HTR2C: variants seen among roughly 807,000 people sequenced by gnomAD.
HTR2C encodes 5-hydroxytryptamine (serotonin) receptor 2C, G protein-coupled.
In HTR2C, 5 loss-of-function variants were observed where a neutral mutation model predicts 21.0. That is an observed-to-expected ratio of 0.24 (90% CI 0.12 to 0.50). The LOEUF is 0.50. Among genes scored for constraint, HTR2C ranks in the 20% least tolerant of loss-of-function variants. The pLI, the probability that HTR2C is intolerant of heterozygous loss-of-function variation, is 0.98. For synonymous variants in HTR2C, 150 were observed against 145.3 expected (o/e 1.03, Z -0.23); for missense variants, 271 against 371.2 (o/e 0.73, Z 2.22).
At chrX:114,611,119 G>GA (rs1408480256) in intron 1 of HTR2C, among the ~76,000 whole-genome samples, 1 of 110,638 alleles carries the variant, frequency 9.0e-6, no homozygotes, top group African/African-American at 3.3e-5. Flanking sequence ...CCCTAAGGGG[G>GA]AAAAAAAACG....
chrX:114,736,659 A>G (rs2069593561), intron 4 of HTR2C, among the ~76,000 whole-genome samples: 2 of 111,876 alleles, frequency 1.8e-5, no homozygotes, highest in South Asian at 7.4e-4. Flanking sequence ...AAAACAAAGA[A>G]TATATATCTT....
At chrX:114,765,487 G>T in intron 4 of HTR2C, among the ~76,000 whole-genome samples, 1 of 110,812 alleles carries the variant, frequency 9.0e-6, no homozygotes, top group South Asian at 3.9e-4. Flanking sequence ...GGCCACAAAA[G>T]GCTAATATCC....
chrX:114,840,369 A>G (rs1477551985), intron 4 of HTR2C, among the ~76,000 whole-genome samples: 3 of 111,923 alleles, frequency 2.7e-5, no homozygotes, highest in Admixed American at 9.5e-5. Context: ...AAAAAATAAT[A>G]TATGAAATAT....
At chrX:114,722,311 T>G (rs782328288) in intron 2 of HTR2C, among the ~76,000 whole-genome samples, 1 of 111,360 alleles carries the variant, frequency 9.0e-6, no homozygotes. Context: ...ATGATTTGGC[T>G]CTCTGTCTGT....
rs902989944 is a variant in HTR2C, at chrX:114,634,790, T to C, written c.-80+20909T>C. The stretch of plus-strand genomic sequence containing the variant: ...TCACATTACTGCATTCCAGCCTGAG[T>C]GACAGAGTGAGACCCCATCTTAAAA... On this transcript the variant is annotated intron_variant, in intron 2 of 5. Coordinates refer to ENST00000276198, the MANE Select transcript of HTR2C (RefSeq NM_000868.4). 2.7e-5 allele frequency among the ~76,000 whole-genome samples: 3 copies of C among 110,490 alleles called. No homozygotes were observed. The Admixed American group carries it at 2.9e-4, about 11-fold the overall frequency.
intron 4 of HTR2C, among the ~76,000 whole-genome samples, chrX:114,746,590 A>G (rs1457004259): frequency 1.8e-5 from 2 of 111,536 alleles, no homozygotes; most frequent in Non-Finnish European, 1.9e-5. Context: ...TCAGTGGCTC[A>G]GGCCTGTAAT....
chrX:114,852,678 A>G (rs1337922062), intron 5 of HTR2C, among the ~76,000 whole-genome samples: 1 of 110,797 alleles, frequency 9.0e-6, no homozygotes. Context: ...TTGTGTTGAT[A>G]TACTTTATTT....
intron 4 of HTR2C, among the ~76,000 whole-genome samples, chrX:114,845,513 T>A (rs1053517873): frequency 5.4e-5 from 6 of 110,365 alleles, no homozygotes; most frequent in Non-Finnish European, 1.1e-4. Context: ...AATGATGAAG[T>A]TTAGTGGAAA....
At chrX:114,635,531 T>C (rs1569480019) in intron 2 of HTR2C, among the ~76,000 whole-genome samples, 1 of 112,202 alleles carries the variant, frequency 8.9e-6, no homozygotes, top group Non-Finnish European at 1.9e-5. Flanking sequence ...GCTCTTCCAC[T>C]GGCTAACTTT....
chrX:114,904,121 C>T (rs145935702), intron 5 of HTR2C, among the ~76,000 whole-genome samples: 73 of 111,944 alleles, frequency 6.5e-4, no homozygotes, highest in East Asian at 4.2e-3. Flanking sequence ...AGTGGCCAAT[C>T]AGTTTTGGAG....
intron 1 of HTR2C, among the ~76,000 whole-genome samples, chrX:114,604,444 G>A (rs917064103): frequency 1.0e-4 from 11 of 110,472 alleles, no homozygotes; most frequent in African/African-American, 2.3e-4. Flanking sequence ...GTAATGTGGA[G>A]TGGGTAGCCT....
intron 5 of HTR2C, among the ~76,000 whole-genome samples, chrX:114,881,729 T>C (rs782559192): frequency 9.0e-6 from 1 of 110,674 alleles, no homozygotes; most frequent in Non-Finnish European, 1.9e-5. Flanking sequence ...CCACCTGGTC[T>C]TGAATACCAC....
Position 114,725,249 on chromosome X carries a change from G to A in HTR2C, c.-79-1609G>A, listed in dbSNP as rs185001653. ...CTTTTTTCTCTAAACTTCCCTTCTC[G>A]CTTCATTTCATTCATTTCATCTTCC... is the stretch of plus-strand genomic sequence containing the variant. On this transcript the variant is annotated intron_variant, in intron 2 of 5. Transcript: ENST00000276198. 9.8e-3 allele frequency among the ~76,000 whole-genome samples: 1,078 copies of A among 110,456 alleles called. 15 individuals are homozygous for A. Among genetic ancestry groups the A allele is most frequent in the African/African-American group, 0.033 (1,014 of 30,387 alleles).
chrX:114,700,540 GTTCAT>G (rs1932432264), intron 2 of HTR2C, among the ~76,000 whole-genome samples: 1 of 112,166 alleles, frequency 8.9e-6, no homozygotes. Context: ...ATTATTTTAT[GTTCAT>G]TTCAAGACTT....
intron 4 of HTR2C, among the ~76,000 whole-genome samples, chrX:114,734,916 T>G (rs2069575964): frequency 9.0e-6 from 1 of 111,521 alleles, no homozygotes; most frequent in African/African-American, 3.3e-5. Flanking sequence ...TTTGGAAATA[T>G]GATTCTATGT....
intron 4 of HTR2C, among the ~76,000 whole-genome samples, chrX:114,834,801 C>T (rs1373383755): frequency 6.5e-5 from 7 of 108,229 alleles, no homozygotes; most frequent in East Asian, 2.9e-4. Context: ...TTCCTAGTCT[C>T]GATGGTCTTT....
At chrX:114,854,350 TA>T (rs1159754822) in intron 5 of HTR2C, among the ~76,000 whole-genome samples, 2 of 111,666 alleles carry the variant, frequency 1.8e-5, no homozygotes, top group African/African-American at 3.2e-5. Context: ...TTAGCTCTAT[TA>T]AAAAAAGCTA....
intron 2 of HTR2C, among the ~76,000 whole-genome samples, chrX:114,708,337 A>G (rs1389174224): frequency 8.9e-6 from 1 of 112,193 alleles, no homozygotes; most frequent in Non-Finnish European, 1.9e-5. Flanking sequence ...CATAGCTAAG[A>G]AGTGAAAGTT....
At chrX:114,758,231 A>T (rs1294316096) in intron 4 of HTR2C, among the ~76,000 whole-genome samples, 1 of 111,794 alleles carries the variant, frequency 8.9e-6, no homozygotes, top group Non-Finnish European at 1.9e-5. Context: ...AAAAGGAAAT[A>T]AAAGTTTACA....
Sources: allele counts gnomAD v4.1 joint callset (sites outside exome capture counted in the v4.1 genomes callset), GRCh38; gene constraint gnomAD v4.1.1; transcripts MANE v1.5; gene names NCBI Gene and HGNC (gene_info 2026-07-23, HGNC 2026-07-21).